The following PHC3 variants were observed in gnomAD, a reference collection of about 807,000 sequenced individuals.
PHC3 encodes polyhomeotic-like protein 3.
Under a neutral mutation model 107.4 loss-of-function variants are expected in PHC3, and 13 were observed. The observed-to-expected ratio is 0.12, with a 90% CI of 0.08 to 0.19. The LOEUF (loss-of-function observed/expected upper bound fraction) is 0.19, where lower values mean the gene tolerates loss of function less well. Among genes scored for constraint, PHC3 ranks in the 10% least tolerant of loss-of-function variants. The pLI, the probability that PHC3 is intolerant of heterozygous loss-of-function variation, is 1.00. For synonymous variants in PHC3, 456 were observed against 427.4 expected (o/e 1.07, Z -0.83); for missense variants, 992 against 1,210.9 (o/e 0.82, Z 2.68).
At chr3:170,106,967 G>C in intron 11 of PHC3, 21 bp from the exon 12 acceptor site, 2 of 1,549,014 alleles carry the variant, frequency 1.3e-6, no homozygotes, top group Non-Finnish European at 1.7e-6. Flanking sequence ...AGGAAACAAA[G>C]GAAAAAAAGG....
intron 4 of PHC3, among the ~76,000 whole-genome samples, chr3:170,159,873 T>C (rs1349069342): frequency 5.3e-5 from 8 of 152,212 alleles, no homozygotes; most frequent in African/African-American, 1.9e-4. Context: ...ATCTTTGCTT[T>C]CAAATTTCCT....
chr3:170,181,473 G>A (rs771251886), intron 1 of PHC3, among the ~76,000 whole-genome samples: 10 of 152,160 alleles, frequency 6.6e-5, no homozygotes, highest in Non-Finnish European at 1.5e-4. Flanking sequence ...GCGCAGATCC[G>A]GGACCTGATG....
chr3:170,152,210 G>A (rs994057585), intron 4 of PHC3, among the ~76,000 whole-genome samples: 17 of 151,540 alleles, frequency 1.1e-4, no homozygotes, highest in Non-Finnish European at 1.9e-4. Flanking sequence ...TCGCTCTGTC[G>A]CCCAGGCTGG....
Position 170,122,599 on chromosome 3 carries a change from G to A in PHC3, c.1934C>T (p.Pro645Leu). Residue 645 changes from proline to leucine, a missense_variant, in exon 9 of 15, where the codon CCT (proline) becomes CTT (leucine). This residue lies in a region of PHC3 where 543 missense variants were observed against 590.8 expected (regional missense o/e 0.92). Transcript: ENST00000495893. The stretch of plus-strand genomic sequence containing the variant: ...TTTTGGTATTTTCTCACCTAACAAA[G>A]GATGTTCAGAAGTCAAATCTTCTCC... The part of the protein sequence containing the change: ...GRGEDLTSEH[P>L]LLEQVELPAV... 1.9e-6 allele frequency: 3 copies of A among 1,613,818 alleles called. No individual in the cohort carries two copies. Among genetic ancestry groups the A allele is most frequent in the Non-Finnish European group, 2.5e-6 (3 of 1,179,826 alleles).
intron 5 of PHC3, among the ~76,000 whole-genome samples, chr3:170,146,421 G>A (rs1245946886): frequency 6.7e-6 from 1 of 150,298 alleles, no homozygotes; most frequent in Non-Finnish European, 1.5e-5. Context: ...AAAAGTAAAT[G>A]CCACACATGT....
chr3:170,107,607 T>C (rs1401022998), intron 11 of PHC3, among the ~76,000 whole-genome samples: 1 of 152,150 alleles, frequency 6.6e-6, no homozygotes, highest in Non-Finnish European at 1.5e-5. Context: ...TACATAAAAT[T>C]CTTTAAAAAG....
At chr3:170,174,300 G>C (rs1256732408) in intron 2 of PHC3, among the ~76,000 whole-genome samples, 3 of 151,978 alleles carry the variant, frequency 2.0e-5, no homozygotes, top group African/African-American at 7.2e-5. Context: ...CAAATACCTT[G>C]TTTTGCTTCA....
intron 9 of PHC3, among the ~76,000 whole-genome samples, chr3:170,120,992 T>C (rs1360035987): frequency 6.6e-6 from 1 of 152,254 alleles, no homozygotes; most frequent in Admixed American, 6.5e-5. Context: ...TCTATGGCTA[T>C]TCAACTCTGT....
At chr3:170,148,439 A>C (rs1464597118) in intron 5 of PHC3, 1 of 152,258 alleles carries the variant, frequency 6.6e-6, no homozygotes, top group Non-Finnish European at 1.5e-5. Flanking sequence ...TATATTCCTT[A>C]AAGAAGCTCA....
chr3:170,167,042 T>C (rs887008684), intron 4 of PHC3, among the ~76,000 whole-genome samples: 7 of 152,272 alleles, frequency 4.6e-5, no homozygotes, highest in African/African-American at 1.7e-4. Context: ...TAATAGTGTA[T>C]GAGTATACCT....
Position 170,096,059 on chromosome 3 carries a change from G to A in PHC3, c.*1171C>T, listed in dbSNP as rs1035946135. ...GAAAAGGCTGTGCACTAGTTCATAG[G>A]TATAATCATATTATGTCTTCGTCAG... On this transcript the variant is annotated 3_prime_UTR_variant, in exon 15 of 15. Coordinates refer to ENST00000495893, the MANE Select transcript of PHC3 (RefSeq NM_024947.4). The A allele has an allele frequency of 6.6e-6, 1 of 152,144 alleles. No individual in the cohort carries two copies. The highest frequency in any genetic ancestry group is 2.4e-5 in the African/African-American group (1 of 41,426). 9.4% of individuals were successfully genotyped at this position (152,144 alleles called of 1,614,324 possible). A position where few individuals can be genotyped will look rare whatever the true frequency, so the allele number is the denominator to read the frequency against.
intron 7 of PHC3, among the ~76,000 whole-genome samples, chr3:170,135,677 A>T (rs1163529824): frequency 7.7e-5 from 11 of 142,516 alleles, no homozygotes; most frequent in South Asian, 2.2e-4. Flanking sequence ...CAGGAAATTT[A>T]AAAAAAAAAA....
rs73032520 is a variant in PHC3, at chr3:170,145,346, A to C, written c.672+77T>G. 2,291 of 1,221,364 alleles carry C rather than the reference A, an allele frequency of 1.9e-3. 28 individuals carry two copies. The African/African-American group carries it at 0.027, about 15-fold the overall frequency. The allele number at this position is 1,221,364 out of a possible 1,614,324, so 75.7% of individuals were successfully genotyped here. A position where few individuals can be genotyped will look rare whatever the true frequency, so the allele number is the denominator to read the frequency against. ...AGAGCACTGAAACCATCAGTAACTTAAACACAAATGCAATGCTTAACTTTA... is the reference window on the plus strand; with the variant it reads ...AGAGCACTGAAACCATCAGTAACTTCAACACAAATGCAATGCTTAACTTTA... On this transcript the variant is annotated intron_variant, in intron 6 of 14. Coordinates refer to ENST00000495893, the MANE Select transcript of PHC3 (RefSeq NM_024947.4).
chr3:170,139,968 G>C (rs1479342995), intron 6 of PHC3, among the ~76,000 whole-genome samples: 1 of 151,900 alleles, frequency 6.6e-6, no homozygotes, highest in Non-Finnish European at 1.5e-5. Flanking sequence ...TCTACATTTT[G>C]CCTGAGTTAT....
intron 2 of PHC3, among the ~76,000 whole-genome samples, chr3:170,173,069 G>A (rs968914032): frequency 3.9e-5 from 6 of 152,072 alleles, no homozygotes; most frequent in African/African-American, 1.4e-4. Flanking sequence ...GCACATGCCT[G>A]TAGCCCCAGC....
chr3:170,129,667 A>G, intron 7 of PHC3, 115 bp from the exon 8 acceptor site: 1 of 1,130,632 alleles, frequency 8.8e-7, no homozygotes, highest in Non-Finnish European at 1.3e-6. Flanking sequence ...GAATTCTATT[A>G]CAAGTTTTCC....
Position 170,088,924 on chromosome 3 carries a change from G to A in PHC3, c.*8306C>T, listed in dbSNP as rs2108213053. On this transcript the variant is annotated 3_prime_UTR_variant, in exon 15 of 15. Coordinates refer to ENST00000495893, the MANE Select transcript of PHC3 (RefSeq NM_024947.4). ...CTCATGCCTATAATCCCGGCACTTTGGGAGGCTGAGGTGGGCGGATCACTT... is the reference window on the plus strand; with the variant it reads ...CTCATGCCTATAATCCCGGCACTTTAGGAGGCTGAGGTGGGCGGATCACTT... 6.6e-6 allele frequency: 1 copy of A among 152,428 alleles called. No individual in the cohort carries two copies. The highest frequency in any genetic ancestry group is 2.1e-4 in the South Asian group (1 of 4,824). The allele number at this position is 152,428 out of a possible 1,614,324, so 9.4% of individuals were successfully genotyped here. A position where few individuals can be genotyped will look rare whatever the true frequency, so the allele number is the denominator to read the frequency against.
rs946677022 is a variant in PHC3 at position 170,088,026 on chromosome 3, C to T, written c.*9204G>A. On this transcript the variant is annotated 3_prime_UTR_variant, in exon 15 of 15. Transcript: ENST00000495893. ...CATTTTCAGGTTATACATTTTAAAA[C>T]TGTAGCTATCAACACCAATCTAGGA... The T allele has an allele frequency of 6.6e-6, 1 of 152,154 alleles. No individual in the cohort carries two copies. Among genetic ancestry groups the T allele is most frequent in the African/African-American group, 2.4e-5 (1 of 41,450 alleles). 9.4% of individuals were successfully genotyped at this position (152,154 alleles called of 1,614,324 possible). A position where few individuals can be genotyped will look rare whatever the true frequency, so the allele number is the denominator to read the frequency against.
At chr3:170,133,009 C>T (rs1485371566) in intron 7 of PHC3, among the ~76,000 whole-genome samples, 2 of 151,980 alleles carry the variant, frequency 1.3e-5, no homozygotes, top group Non-Finnish European at 2.9e-5. Flanking sequence ...TACTTTGGCA[C>T]CCTAAAAATA....
Sources: allele counts gnomAD v4.1 joint callset (sites outside exome capture counted in the v4.1 genomes callset), GRCh38; gene constraint gnomAD v4.1.1; regional missense constraint gnomAD v4.1.1; transcripts MANE v1.5; gene names NCBI Gene and HGNC (gene_info 2026-07-23, HGNC 2026-07-21).